Variants in TRIM61 observed in about 807,000 individuals in gnomAD.
TRIM61 encodes tripartite motif containing 61, also known as putative tripartite motif-containing protein 61.
Under a neutral mutation model 14.2 loss-of-function variants are expected in TRIM61, and 1 was observed. The ratio of observed to expected loss-of-function variants is 0.07; its 90% CI spans 0.03 to 0.33. The LOEUF is 0.33. Ranked by LOEUF, TRIM61 falls within the 10% of genes least tolerant of loss-of-function variation. The pLI is 0.99. For missense variants in TRIM61, 19 were observed against 202.2 expected, an observed-to-expected ratio of 0.09 and a Z score of 5.49; for synonymous variants, 8 against 71.6, an observed-to-expected ratio of 0.11 and a Z score of 4.49.
At chr4:164,961,824 G>A (rs1458029651) in intron 3 of TRIM61, among the ~76,000 whole-genome samples, 2 of 152,142 alleles carry the variant, frequency 1.3e-5, no homozygotes, top group Non-Finnish European at 2.9e-5. Context: ...CCATGCATAC[G>A]TTAACTATAG....
At chr4:164,969,275 T>G (rs2111146823) in intron 3 of TRIM61, 1 of 1,440,420 alleles carries the variant, frequency 6.9e-7, no homozygotes, top group East Asian at 2.5e-5. Flanking sequence ...CAGTTCTGAC[T>G]TCACATATAT....
At chr4:164,956,157 C>G (rs1044222290) in intron 3 of TRIM61, among the ~76,000 whole-genome samples, 1 of 152,192 alleles carries the variant, frequency 6.6e-6, no homozygotes, top group Admixed American at 6.5e-5. Flanking sequence ...CCTCAACTCC[C>G]CAGGTTCAAG....
chr4:164,967,267 T>A (rs576821907), intron 3 of TRIM61, among the ~76,000 whole-genome samples: 2 of 152,356 alleles, frequency 1.3e-5, no homozygotes, highest in African/African-American at 2.4e-5. Context: ...TTCACTGTTA[T>A]GTCTACTGAC....
intron 2 of TRIM61, among the ~76,000 whole-genome samples, chr4:164,971,421 G>A (rs1368716160): frequency 3.3e-5 from 5 of 151,664 alleles, no homozygotes; most frequent in Non-Finnish European, 2.9e-5. Flanking sequence ...GAGAAACCCC[G>A]TCTCTACTAA....
intron 1 of TRIM61, 138 bp downstream of exon 1, chr4:164,977,393 G>A (rs985215015): frequency 3.3e-5 from 5 of 152,170 alleles, no homozygotes; most frequent in African/African-American, 9.7e-5. Context: ...CAAGAGCTAC[G>A]CCAGACACTA....
intron 3 of TRIM61, chr4:164,958,384 C>T (rs1279819663): frequency 6.0e-6 from 1 of 166,970 alleles, no homozygotes; most frequent in Non-Finnish European, 1.5e-5. Flanking sequence ...ATCTTTTCTT[C>T]AAGTGATATT....
chr4:164,956,494 A>G (rs887969378), intron 3 of TRIM61, among the ~76,000 whole-genome samples: 19 of 152,354 alleles, frequency 1.2e-4, no homozygotes, highest in Middle Eastern at 3.4e-3. Flanking sequence ...TAACCCCAGC[A>G]ACTTCTCCTG....
intron 3 of TRIM61, among the ~76,000 whole-genome samples, chr4:164,967,575 ATGTG>A (rs1010014088): frequency 1.3e-5 from 2 of 152,060 alleles, no homozygotes; most frequent in Non-Finnish European, 2.9e-5. Context: ...TATGTACAGT[ATGTG>A]TGTGTGTGGC....
chr4:164,977,065 T>C (rs1278630594), intron 1 of TRIM61, among the ~76,000 whole-genome samples: 1 of 152,182 alleles, frequency 6.6e-6, no homozygotes, highest in Non-Finnish European at 1.5e-5. Flanking sequence ...ATCATCATAC[T>C]GGCTGATTCT....
At chr4:164,962,389 T>TTGTGTGTGTGTGTGTGTGTGTGTG (rs147058101) in intron 3 of TRIM61, among the ~76,000 whole-genome samples, 2 of 146,406 alleles carry the variant, frequency 1.4e-5, no homozygotes, top group African/African-American at 5.1e-5. Flanking sequence ...CCTGGCTAAT[T>TTGTGTGTGTGTGTGTGTGTGTGTG]TGTGTGTGTG....
Position 164,968,157 on chromosome 4 carries a change from G to A in TRIM61, c.525+1321C>T. ...AACGAAAAAAGGGGAGGGGAGGGGA[G>A]AAGAGGAAAAAGAAAAGAAAAGAAA... On this transcript the variant is annotated intron_variant, in intron 3 of 4. Coordinates refer to ENST00000329314, the MANE Select transcript of TRIM61 (RefSeq NM_001012414.3). 8 of 984,710 alleles carry A rather than the reference G, an allele frequency of 8.1e-6. No individual in the cohort carries two copies. In the South Asian group the frequency reaches 3.3e-4, roughly 41 times the overall value. The allele number at this position is 984,710 out of a possible 1,614,324, so 61.0% of individuals were successfully genotyped here. A position where few individuals can be genotyped will look rare whatever the true frequency, so the allele number is the denominator to read the frequency against.
chr4:164,962,061 T>C (rs1470709020), intron 3 of TRIM61, among the ~76,000 whole-genome samples: 1 of 151,982 alleles, frequency 6.6e-6, no homozygotes, highest in Non-Finnish European at 1.5e-5. Flanking sequence ...GTAAAAATAG[T>C]TTTATTATCT....
At chr4:164,960,146 G>A (rs1437178486) in intron 3 of TRIM61, among the ~76,000 whole-genome samples, 2 of 152,172 alleles carry the variant, frequency 1.3e-5, no homozygotes, top group African/African-American at 4.8e-5. Context: ...CAACACAACA[G>A]AACCTGGAGG....
At chr4:164,955,545 G>C (rs1371478005) in intron 3 of TRIM61, among the ~76,000 whole-genome samples, 1 of 146,814 alleles carries the variant, frequency 6.8e-6, no homozygotes, top group East Asian at 2.0e-4. Flanking sequence ...GTCCAGCCTG[G>C]GTGACTAAGA....
intron 3 of TRIM61, among the ~76,000 whole-genome samples, chr4:164,964,121 G>T (rs1289117181): frequency 6.6e-6 from 1 of 151,684 alleles, no homozygotes; most frequent in Non-Finnish European, 1.5e-5. Flanking sequence ...AGGCCGAGGC[G>T]GGCTGATCAC....
At chr4:164,966,943 TAAAA>T (rs1194618868) in intron 3 of TRIM61, among the ~76,000 whole-genome samples, 1 of 150,364 alleles carries the variant, frequency 6.7e-6, no homozygotes, top group Non-Finnish European at 1.5e-5. Flanking sequence ...AAAAAAAAAA[TAAAA>T]AGAGAAAAAT....
chr4:164,955,016 G>A lies in TRIM61; in HGVS notation c.606C>T (p.Ser202=), dbSNP rs978943118. 3 of 293,492 alleles carry A rather than the reference G, an allele frequency of 1.0e-5. No individual in the cohort carries two copies. The highest frequency in any genetic ancestry group is 4.6e-5 in the African/African-American group (2 of 43,716). The allele number at this position is 293,492 out of a possible 1,614,324, so 18.2% of individuals were successfully genotyped here. A position where few individuals can be genotyped will look rare whatever the true frequency, so the allele number is the denominator to read the frequency against. ...CTCAGGAGCCAGAGGCAGAAGAATC[G>A]CTTGATCCCGGGAGGCGGAGGTTGA... is the stretch of plus-strand genomic sequence containing the variant. The change falls in exon 4 of 5, where the codon AGC becomes AGT. Residue 202 remains serine (S), a synonymous_variant. Coordinates refer to ENST00000329314, the MANE Select transcript of TRIM61 (RefSeq NM_001012414.3).
At chr4:164,957,036 C>T in intron 3 of TRIM61, 4 of 1,509,748 alleles carry the variant, frequency 2.6e-6, no homozygotes, top group East Asian at 2.5e-5. Context: ...GAAGGATGCG[C>T]GGTGCGGCGG....
chr4:164,957,743 A>G (rs1379948452), intron 3 of TRIM61: 3 of 427,278 alleles, frequency 7.0e-6, no homozygotes, highest in Non-Finnish European at 1.3e-5. Flanking sequence ...AGGATATGAT[A>G]CGCACACTAG....
Sources: allele counts gnomAD v4.1 joint callset (sites outside exome capture counted in the v4.1 genomes callset), GRCh38; gene constraint gnomAD v4.1.1; transcripts MANE v1.5; gene names NCBI Gene and HGNC (gene_info 2026-07-23, HGNC 2026-07-21).